Variants in C4orf36 observed in about 807,000 individuals in gnomAD.
The protein encoded by C4orf36 is uncharacterized protein C4orf36.
A neutral mutation model predicts 12.2 loss-of-function variants in C4orf36; 11 were observed. The observed-to-expected ratio is 0.90, with a 90% CI of 0.57 to 1.49. C4orf36 has a LOEUF of 1.49. C4orf36 is among the 40% of genes most tolerant of loss of function. The pLI is 0.00. For synonymous variants in C4orf36, 54 were observed against 51.3 expected, an observed-to-expected ratio of 1.05 and a Z score of -0.22; for missense variants, 137 against 133.9, an observed-to-expected ratio of 1.02 and a Z score of -0.11.
At chr4:86,889,325 T>C (rs899203276) in intron 2 of C4orf36, among the ~76,000 whole-genome samples, 1 of 143,424 alleles carries the variant, frequency 7.0e-6, no homozygotes, top group East Asian at 2.0e-4. Flanking sequence ...CACTTCAGCC[T>C]GGGTGAGAAG....
chr4:86,921,883 G>T, the C4orf36 span, among the ~76,000 whole-genome samples: 2 of 152,062 alleles, frequency 1.3e-5, no homozygotes, highest in East Asian at 3.8e-4. Flanking sequence ...TCTACTTTCT[G>T]TCTGTATGAA....
chr4:86,914,391 CTTTTTTTTTTT>C, the C4orf36 span: 115 of 327,792 alleles, frequency 3.5e-4, no homozygotes, highest in South Asian at 4.9e-4. Flanking sequence ...CTTCTTCTTC[CTTTTTTTTTTT>C]TTTTTTTTTT....
the C4orf36 span, among the ~76,000 whole-genome samples, chr4:86,917,034 C>T: frequency 1.4e-4 from 21 of 152,262 alleles, no homozygotes; most frequent in African/African-American, 4.3e-4. Flanking sequence ...AATCCCAACA[C>T]TGGGAGGCCA....
chr4:86,899,462 G>A, the C4orf36 span, among the ~76,000 whole-genome samples: 1 of 152,142 alleles, frequency 6.6e-6, no homozygotes, highest in African/African-American at 2.4e-5. Context: ...GTTAAGGAAA[G>A]TCTCTAAAAT....
the C4orf36 span, among the ~76,000 whole-genome samples, chr4:86,921,912 C>T: frequency 3.3e-5 from 5 of 152,194 alleles, no homozygotes; most frequent in Admixed American, 3.3e-4. Flanking sequence ...TGCCAGGCAC[C>T]TCATACAAGT....
chr4:86,903,629 A>G, the C4orf36 span, among the ~76,000 whole-genome samples: 19 of 152,318 alleles, frequency 1.2e-4, no homozygotes, highest in African/African-American at 4.3e-4. Flanking sequence ...CCAAAGATCA[A>G]AAGAACAAAG....
At chr4:86,906,663 G>GA in the C4orf36 span, among the ~76,000 whole-genome samples, 7 of 141,826 alleles carry the variant, frequency 4.9e-5, no homozygotes, top group Non-Finnish European at 7.5e-5. Context: ...GGGAGGAGGT[G>GA]AAGGTTGCAG....
chr4:86,923,993 T>C, the C4orf36 span, among the ~76,000 whole-genome samples: 3 of 152,168 alleles, frequency 2.0e-5, no homozygotes, highest in Non-Finnish European at 4.4e-5. Context: ...TCTTTGGTTC[T>C]TTTATTTGGA....
the C4orf36 span, chr4:86,933,597 G>A: frequency 6.6e-6 from 1 of 152,120 alleles, no homozygotes; most frequent in Non-Finnish European, 1.5e-5. Flanking sequence ...GATAGAAGTG[G>A]TAAAAGTTTT....
At chr4:86,908,203 ACACACACACACAC>A in the C4orf36 span, among the ~76,000 whole-genome samples, 1 of 150,554 alleles carries the variant, frequency 6.6e-6, no homozygotes, top group East Asian at 2.0e-4. Context: ...ACACACACAC[ACACACACACACAC>A]ACGTTGCTGG....
chr4:86,922,028 G>T, the C4orf36 span, among the ~76,000 whole-genome samples: 1 of 152,106 alleles, frequency 6.6e-6, no homozygotes, highest in Non-Finnish European at 1.5e-5. Flanking sequence ...ATGTGTGATA[G>T]GTTTTATTTA....
At chr4:86,926,606 C>T in the C4orf36 span, among the ~76,000 whole-genome samples, 15 of 152,120 alleles carry the variant, frequency 9.9e-5, no homozygotes, top group Non-Finnish European at 1.5e-4. Flanking sequence ...CTCCTAGATT[C>T]CTTAGCTTGG....
chr4:86,907,377 AATATT>A, the C4orf36 span, among the ~76,000 whole-genome samples: 1 of 152,190 alleles, frequency 6.6e-6, no homozygotes, highest in Non-Finnish European at 1.5e-5. Context: ...GATCAGGAAA[AATATT>A]ATAACTAGAT....
the C4orf36 span, chr4:86,914,814 C>T: frequency 4.4e-6 from 2 of 456,520 alleles, no homozygotes; most frequent in Non-Finnish European, 8.5e-6. Context: ...GGTGCAGTGA[C>T]ATTATTCTTA....
At position 86,876,271 on chromosome 4, in the gene C4orf36, A is replaced by T; in HGVS notation, c.*175T>A. Reference sequence around the variant, plus strand: ...AAACAAACTGAGTTCCACTGAAATTAAGAGATTTTCTCGGTCTCTGGGCGG... The same window carrying T: ...AAACAAACTGAGTTCCACTGAAATTTAGAGATTTTCTCGGTCTCTGGGCGG... On this transcript the variant is annotated 3_prime_UTR_variant, in exon 5 of 5. Coordinates refer to ENST00000295898, the MANE Select transcript of C4orf36 (RefSeq NM_144645.4). 2 of 774,000 alleles carry T rather than the reference A, an allele frequency of 2.6e-6. No individual in the cohort carries two copies. The highest frequency in any genetic ancestry group is 3.9e-6 in the Non-Finnish European group (2 of 515,914). 47.9% of individuals were successfully genotyped at this position (774,000 alleles called of 1,614,324 possible). A position where few individuals can be genotyped will look rare whatever the true frequency, so the allele number is the denominator to read the frequency against.
At chr4:86,891,365 A>G (rs545307337) in intron 2 of C4orf36, 91 bp downstream of exon 2, 132 of 1,165,328 alleles carry the variant, frequency 1.1e-4, no homozygotes, top group Middle Eastern at 6.1e-4. Flanking sequence ...TCTCATGGGG[A>G]GCACAGAGTG....
intron 4 of C4orf36, among the ~76,000 whole-genome samples, chr4:86,882,871 T>C (rs1229061808): frequency 6.6e-6 from 1 of 152,214 alleles, no homozygotes; most frequent in South Asian, 2.1e-4. Flanking sequence ...TACTGTGTGA[T>C]ACACGCCCTG....
chr4:86,886,098 T>A (rs1456613338), intron 4 of C4orf36, among the ~76,000 whole-genome samples: 1 of 152,224 alleles, frequency 6.6e-6, no homozygotes, highest in Non-Finnish European at 1.5e-5. Flanking sequence ...GGATTCAGTT[T>A]GCCAGTATTT....
At chr4:86,902,411 A>C in the C4orf36 span, among the ~76,000 whole-genome samples, 1 of 119,548 alleles carries the variant, frequency 8.4e-6, no homozygotes, top group Admixed American at 9.7e-5. Context: ...CAACAGAATG[A>C]GACTCTCAAA....
Sources: allele counts gnomAD v4.1 joint callset (sites outside exome capture counted in the v4.1 genomes callset), GRCh38; gene constraint gnomAD v4.1.1; transcripts MANE v1.5; gene names NCBI Gene and HGNC (gene_info 2026-07-23, HGNC 2026-07-21).